CYP3A43: variants seen among roughly 807,000 people sequenced by gnomAD.
CYP3A43 encodes cytochrome P450 3A43.
CYP3A43 carries 45 observed loss-of-function variants against 58.0 expected under a neutral mutation model. That is an observed-to-expected ratio of 0.78 (90% CI 0.61 to 0.99). CYP3A43 has a LOEUF of 0.99. Among genes scored for constraint, CYP3A43 ranks in the 50% least tolerant of loss-of-function variants. CYP3A43 has a pLI of 0.00. For synonymous variants in CYP3A43, 191 were observed against 201.4 expected, an observed-to-expected ratio of 0.95 and a Z score of 0.44; for missense variants, 593 against 591.9, an observed-to-expected ratio of 1.00 and a Z score of -0.02.
rs1817244569 is a variant in CYP3A43 at position 99,839,489 on chromosome 7, C to T, written c.218+317C>T. On this transcript the variant is annotated intron_variant, in intron 3 of 12. Transcript: ENST00000354829. ...TACCTTACTGCCTTCCTTTTTTCCC[C>T]AGACAGATAGCTGTAATTTCACAAC... is the stretch of plus-strand genomic sequence containing the variant. 4 of 540,814 alleles carry T rather than the reference C, an allele frequency of 7.4e-6. No homozygotes were observed. The East Asian group carries it at 1.3e-4, about 18-fold the overall frequency. 33.5% of individuals were successfully genotyped at this position (540,814 alleles called of 1,614,324 possible). A position where few individuals can be genotyped will look rare whatever the true frequency, so the allele number is the denominator to read the frequency against.
At chr7:99,840,749 T>A (rs1027877593) in intron 3 of CYP3A43, among the ~76,000 whole-genome samples, 1 of 152,176 alleles carries the variant, frequency 6.6e-6, no homozygotes, top group African/African-American at 2.4e-5. Flanking sequence ...AGGTGTCCCC[T>A]CAAGCTTTGA....
At chr7:99,838,308 G>C (rs1035837900) in intron 2 of CYP3A43, among the ~76,000 whole-genome samples, 1 of 152,184 alleles carries the variant, frequency 6.6e-6, no homozygotes, top group Non-Finnish European at 1.5e-5. Context: ...ATTTAAATCT[G>C]CTAGACTAAA....
intron 3 of CYP3A43, 123 bp downstream of exon 3, chr7:99,839,295 CAGAG>C: frequency 1.8e-6 from 2 of 1,139,906 alleles, no homozygotes; most frequent in Non-Finnish European, 2.6e-6. Flanking sequence ...AAGTAACAAA[CAGAG>C]AGAGGCTATC....
At chr7:99,842,890 C>A (rs1253060737) in intron 3 of CYP3A43, among the ~76,000 whole-genome samples, 2 of 152,184 alleles carry the variant, frequency 1.3e-5, no homozygotes, top group Non-Finnish European at 2.9e-5. Flanking sequence ...TCCTTCCCCC[C>A]ATGAACCAGC....
At position 99,836,458 on chromosome 7, in the gene CYP3A43, G is replaced by C. The variant is rs772758300; in HGVS notation, c.77G>C (p.Gly26Ala). The part of the protein sequence containing the change: ...ATSLVLLYIY[G>A]THSHKLFKKL... ...CTTTCTCTTTTATTTTATAGTTATG[G>C]GACCCATTCACATAAACTTTTTAAG... is the stretch of plus-strand genomic sequence containing the variant. Residue 26 changes from glycine (G) to alanine (A), a missense_variant, in exon 2 of 13, where the codon GGG becomes GCG. Physicochemically the swap from Gly to Ala is moderately conservative, Grantham distance 60. Coordinates refer to ENST00000354829, the MANE Select transcript of CYP3A43 (RefSeq NM_057095.3). 6.2e-7 allele frequency: 1 copy of C among 1,611,296 alleles called. No individual in the cohort carries two copies. The highest frequency in any genetic ancestry group is 8.5e-7 in the Non-Finnish European group (1 of 1,178,754).
intron 8 of CYP3A43, 35 bp downstream of exon 8, chr7:99,855,753 C>CT (rs1228341447): frequency 6.4e-7 from 1 of 1,562,792 alleles, no homozygotes; most frequent in Admixed American, 2.0e-5. Context: ...AGAATGTTCA[C>CT]TTTTTTATTA....
At chr7:99,858,531 T>C (rs1818085409) in intron 9 of CYP3A43, among the ~76,000 whole-genome samples, 1 of 152,036 alleles carries the variant, frequency 6.6e-6, no homozygotes, top group Non-Finnish European at 1.5e-5. Flanking sequence ...GCAGAGAGAA[T>C]GGGCATGTAC....
intron 7 of CYP3A43, among the ~76,000 whole-genome samples, chr7:99,852,621 T>C (rs1480327353): frequency 6.6e-6 from 1 of 152,176 alleles, no homozygotes; most frequent in Non-Finnish European, 1.5e-5. Context: ...AGAAATACAG[T>C]TTATTTCTGT....
chr7:99,842,236 T>C (rs965370759), intron 3 of CYP3A43, among the ~76,000 whole-genome samples: 1 of 152,182 alleles, frequency 6.6e-6, no homozygotes, highest in Non-Finnish European at 1.5e-5. Flanking sequence ...AAGTATCCTT[T>C]CCCTCCATCT....
intron 9 of CYP3A43, among the ~76,000 whole-genome samples, chr7:99,859,566 T>C (rs1021534708): frequency 2.0e-5 from 3 of 152,190 alleles, no homozygotes; most frequent in African/African-American, 7.2e-5. Context: ...GTTACCCAGC[T>C]GTGCAGCTGG....
At chr7:99,851,621 C>T (rs1036068461) in intron 7 of CYP3A43, among the ~76,000 whole-genome samples, 1 of 152,184 alleles carries the variant, frequency 6.6e-6, no homozygotes, top group African/African-American at 2.4e-5. Context: ...CCATATACAG[C>T]TGAATTCTTT....
At chr7:99,838,220 G>A (rs1433425446) in intron 2 of CYP3A43, among the ~76,000 whole-genome samples, 2 of 152,140 alleles carry the variant, frequency 1.3e-5, no homozygotes, top group African/African-American at 2.4e-5. Flanking sequence ...GTGTTAAGCT[G>A]GAAAACTGGA....
At chr7:99,840,464 C>G (rs1231576020) in intron 3 of CYP3A43, among the ~76,000 whole-genome samples, 1 of 152,216 alleles carries the variant, frequency 6.6e-6, no homozygotes, top group Non-Finnish European at 1.5e-5. Context: ...TCTACTCTTT[C>G]TTTTCACATG....
chr7:99,863,779 C>T, intron 12 of CYP3A43, 80 bp downstream of exon 12: 1 of 1,182,796 alleles, frequency 8.5e-7, no homozygotes, highest in Non-Finnish European at 1.1e-6. Flanking sequence ...AATTATTGTT[C>T]ATTTTTCAAT....
In CYP3A43 at chr7:99,861,684, A is replaced by C. The variant is rs1470012816; in HGVS notation, c.1098A>C (p.Leu366Phe). The C allele has an allele frequency of 2.5e-6, 4 of 1,614,184 alleles. No homozygotes were observed. The Admixed American group carries it at 6.7e-5, about 27-fold the overall frequency. The change falls in exon 11 of 13, where the codon TTA becomes TTC. Residue 366 changes from leucine to phenylalanine, a missense_variant. Physicochemically the swap from Leu to Phe is conservative, Grantham distance 22 (BLOSUM62 0). Transcript: ENST00000354829. ...LDMVVNETLR[L>F]FPVVSRVTRV... ...TGGTGGTGAATGAAACGCTCAGATT[A>C]TTCCCAGTTGTTAGTAGAGTTACGA...
At chr7:99,853,921 A>C (rs1026614354) in intron 7 of CYP3A43, among the ~76,000 whole-genome samples, 1 of 152,132 alleles carries the variant, frequency 6.6e-6, no homozygotes, top group Non-Finnish European at 1.5e-5. Flanking sequence ...TATGGGGTAC[A>C]CGAGATGGTT....
At chr7:99,836,413 T>C in intron 1 of CYP3A43, 40 bp from the exon 2 acceptor site, 3 of 1,562,144 alleles carry the variant, frequency 1.9e-6, no homozygotes, top group Middle Eastern at 1.7e-4. Context: ...ATCTATAAAG[T>C]TACAATTTCT....
intron 2 of CYP3A43, chr7:99,838,595 T>C (rs199595902): frequency 1.8e-6 from 2 of 1,122,804 alleles, no homozygotes; most frequent in South Asian, 1.4e-5. Flanking sequence ...ATTCAATATC[T>C]ACACTAGTTA....
intron 12 of CYP3A43, 23 bp from the exon 13 acceptor site, chr7:99,865,883 A>C (rs758229011): frequency 6.7e-7 from 1 of 1,482,694 alleles, no homozygotes; most frequent in South Asian, 1.2e-5. Context: ...TTGTTTCTGA[A>C]TATTCTTGTT....
Sources: gnomAD v4.1 joint callset for allele counts (sites outside exome capture counted in the v4.1 genomes callset) on GRCh38, gnomAD v4.1.1 for gene constraint, MANE v1.5 for transcripts, NCBI Gene and HGNC (gene_info 2026-07-23, HGNC 2026-07-21) for gene names.